Variants in UBASH3A observed in about 807,000 individuals in gnomAD.
The protein encoded by UBASH3A is ubiquitin associated and SH3 domain containing A.
Under a neutral mutation model 73.5 loss-of-function variants are expected in UBASH3A, and 63 were observed. The observed-to-expected ratio is 0.86, with a 90% CI of 0.70 to 1.06. The LOEUF (loss-of-function observed/expected upper bound fraction) is 1.06. UBASH3A is among the 50% of genes least tolerant of loss of function. The pLI is 0.00. For synonymous variants in UBASH3A, 363 were observed against 351.1 expected, an observed-to-expected ratio of 1.03 and a Z score of -0.38; for missense variants, 860 against 859.0, an observed-to-expected ratio of 1.00 and a Z score of -0.02.
chr21:42,429,388 A>T (rs918286267), intron 8 of UBASH3A, among the ~76,000 whole-genome samples: 1 of 152,224 alleles, frequency 6.6e-6, no homozygotes, highest in African/African-American at 2.4e-5. Context: ...CCCAGGGGTC[A>T]GTCCATTCCA....
At chr21:42,434,656 C>A (rs986563018) in intron 9 of UBASH3A, among the ~76,000 whole-genome samples, 176 bp from the exon 10 acceptor site, 1 of 152,194 alleles carries the variant, frequency 6.6e-6, no homozygotes, top group African/African-American at 2.4e-5. Context: ...CACAGCTGAG[C>A]AGCACTTTCT....
intron 11 of UBASH3A, among the ~76,000 whole-genome samples, chr21:42,439,699 A>G (rs2053695424): frequency 7.5e-6 from 1 of 133,896 alleles, no homozygotes; most frequent in Non-Finnish European, 1.6e-5. Context: ...CACTACACAC[A>G]CCCACACACA....
At position 42,416,542 on chromosome 21, in the gene UBASH3A, C is replaced by T. The variant is rs774534545; in HGVS notation, c.768C>T (p.Ile256=). Residue 256 remains isoleucine (I), a synonymous_variant, in exon 6 of 15, where the codon ATC becomes ATT. Transcript: ENST00000319294. ...QRTLEQLARA[I]PLGHSCQWTA... is the part of the protein sequence containing the mutation. ...CGCTGGAGCAGCTGGCCAGAGCCATCCCCCTGGGCCACAGCTGCCAGTGGA... is the reference window on the plus strand; with the variant it reads ...CGCTGGAGCAGCTGGCCAGAGCCATTCCCCTGGGCCACAGCTGCCAGTGGA... The T allele has an allele frequency of 1.2e-5, 20 of 1,610,422 alleles. No homozygotes were observed. Among genetic ancestry groups the T allele is most frequent in the Non-Finnish European group, 5.9e-6 (7 of 1,178,554 alleles).
At position 42,403,998 on chromosome 21, in the gene UBASH3A, G is replaced by A. The variant is rs1427423347; in HGVS notation, c.53G>A (p.Ser18Asn). The stretch of plus-strand genomic sequence containing the variant: ...GCCAAGGTCTCCAACAAGCTCAAGA[G>A]CCGCAGCAGCCCCTCGCTCCTGGAG... The part of the protein sequence containing the change: ...LYAKVSNKLK[S>N]RSSPSLLEPL... The change falls in exon 1 of 15, where the codon AGC becomes AAC. Residue 18 changes from serine (S) to asparagine (N), a missense_variant. By Grantham distance (46) the Ser-to-Asn change is conservative. Coordinates refer to ENST00000319294, the MANE Select transcript of UBASH3A (RefSeq NM_018961.4). 6.5e-7 allele frequency: 1 copy of A among 1,527,508 alleles called. No homozygotes were observed. The highest frequency in any genetic ancestry group is 2.6e-5 in the East Asian group (1 of 39,066). The allele number at this position is 1,527,508 out of a possible 1,614,324, so 94.6% of individuals were successfully genotyped here.
chr21:42,432,789 C>T (rs2146574599), intron 9 of UBASH3A, among the ~76,000 whole-genome samples: 1 of 152,282 alleles, frequency 6.6e-6, no homozygotes, highest in African/African-American at 2.4e-5. Flanking sequence ...TGGCAGATGA[C>T]AATCACACAC....
At chr21:42,439,914 C>T (rs2053705059) in intron 11 of UBASH3A, among the ~76,000 whole-genome samples, 1 of 143,088 alleles carries the variant, frequency 7.0e-6, no homozygotes, top group Admixed American at 7.0e-5. Context: ...CACCACACAC[C>T]TCACACACAC....
At chr21:42,424,476 G>C (rs1381621431) in intron 7 of UBASH3A, among the ~76,000 whole-genome samples, 1 of 152,200 alleles carries the variant, frequency 6.6e-6, no homozygotes, top group African/African-American at 2.4e-5. Context: ...AGAGACTGGT[G>C]ATGGAGGACC....
intron 13 of UBASH3A, 80 bp from the exon 14 acceptor site, chr21:42,444,454 C>T (rs2053811757): frequency 9.3e-7 from 1 of 1,073,224 alleles, no homozygotes; most frequent in African/African-American, 1.5e-5. Flanking sequence ...GCTCTGCCCC[C>T]CACCACTTTG....
Position 42,416,430 on chromosome 21 carries a change from C to G in UBASH3A, c.668-12C>G. 6.4e-7 allele frequency: 1 copy of G among 1,553,446 alleles called. No individual in the cohort carries two copies. Among genetic ancestry groups the G allele is most frequent in the East Asian group, 2.4e-5 (1 of 41,064 alleles). ...GTGTCCTGGCACCCTCTGTGTTTCC[C>G]TGATTTCACAGACTGCTCCGTGAAG... On this transcript the variant is annotated splice_polypyrimidine_tract_variant and intron_variant, in intron 5 of 14. Coordinates refer to ENST00000319294, the MANE Select transcript of UBASH3A (RefSeq NM_018961.4).
At chr21:42,417,419 C>CAAAAAA (rs71190423) in intron 6 of UBASH3A, 15 of 74,304 alleles carry the variant, frequency 2.0e-4, no homozygotes, top group African/African-American at 3.7e-4. Flanking sequence ...GCGAGACTGG[C>CAAAAAA]AAAAAAAAAA....
At chr21:42,436,678 G>A (rs570623635) in intron 10 of UBASH3A, among the ~76,000 whole-genome samples, 23 of 152,272 alleles carry the variant, frequency 1.5e-4, no homozygotes, top group African/African-American at 5.5e-4. Context: ...CAACCCAGAA[G>A]AGCCTCCACT....
chr21:42,445,409 C>T (rs1376220383), intron 14 of UBASH3A, among the ~76,000 whole-genome samples: 1 of 152,226 alleles, frequency 6.6e-6, no homozygotes, highest in Admixed American at 6.5e-5. Flanking sequence ...GAGGCCCTGA[C>T]CTGGTTTCTT....
intron 1 of UBASH3A, among the ~76,000 whole-genome samples, chr21:42,404,473 C>G (rs1012120044): frequency 1.3e-5 from 2 of 152,096 alleles, no homozygotes; most frequent in Admixed American, 6.5e-5. Flanking sequence ...ATATTCTTGA[C>G]CTTTTAAAGA....
chr21:42,441,055 ATGATGATGATGG>A lies in UBASH3A; in HGVS notation c.1487-1376_1487-1365del, dbSNP rs1024545658. Among the ~76,000 whole-genome samples, 49 of 152,274 alleles carry A rather than the reference ATGATGATGATGG, an allele frequency of 3.2e-4. No homozygotes were observed. The East Asian group carries it at 8.9e-3, about 28-fold the overall frequency. On this transcript the variant is annotated intron_variant, in intron 11 of 14. Transcript: ENST00000319294. ...ATCTCTCAGTGACCTTTAAGTGCAG[ATGATGATGATGG>A]TGATGATGATGGTGATGATGCCTGT...
chr21:42,415,626 G>A (rs1238650756), intron 5 of UBASH3A, among the ~76,000 whole-genome samples: 1 of 152,236 alleles, frequency 6.6e-6, no homozygotes, highest in Admixed American at 6.5e-5. Flanking sequence ...TTTAGGTTAG[G>A]AGGCTGATTT....
rs1159282238 is a variant in UBASH3A, at chr21:42,413,083, C to G, written c.414C>G (p.Leu138=). ...YEALKRAGDR[L]LGSFPTAVPL... ...CGCTGAAGAGAGCTGGAGACAGGCT[C>G]CTGGGCTCCTTCCCCACGGCCGTGC... The change falls in exon 4 of 15, where the codon CTC becomes CTG. Residue 138 remains leucine, a synonymous_variant. Transcript: ENST00000319294. The surrounding 1 kb of genome is among the most constrained non-coding windows in gnomAD (Gnocchi z 4.5). 3.1e-6 allele frequency: 5 copies of G among 1,614,226 alleles called. No homozygotes were observed. In the Admixed American group the frequency reaches 5.0e-5, roughly 16 times the overall value.
In UBASH3A at chr21:42,444,646, A is replaced by C. The variant is rs1285439039; in HGVS notation, c.1848+3A>C. The C allele has an allele frequency of 3.1e-6, 5 of 1,609,046 alleles. No individual in the cohort carries two copies. Among genetic ancestry groups the C allele is most frequent in the Non-Finnish European group, 4.3e-6 (5 of 1,175,458 alleles). ...ATTTTGCCCAACTCGTGAGAAAGGT[A>C]CGCGCCCACTCTTGGCTCTTTGGGC... On this transcript the variant is annotated splice_donor_region_variant and intron_variant, in intron 14 of 14. Transcript: ENST00000319294.
chr21:42,428,680 T>A (rs1194414992), intron 8 of UBASH3A, among the ~76,000 whole-genome samples: 2 of 151,812 alleles, frequency 1.3e-5, no homozygotes, highest in Non-Finnish European at 2.9e-5. Flanking sequence ...ACCCAATACC[T>A]GGGTACTGTG....
Position 42,418,447 on chromosome 21 carries a change from T to C in UBASH3A, c.884T>C (p.Leu295Pro). Residue 295 changes from leucine to proline, a missense_variant, in exon 7 of 15, where the codon CTG becomes CCG. Coordinates refer to ENST00000319294, the MANE Select transcript of UBASH3A (RefSeq NM_018961.4). ...FQYKPQNVDE[L>P]TLSPGDYIFV... ...TACAAACCCCAGAACGTGGATGAGC[T>C]GACGCTAAGTCCTGGTGACTACATC... 6 of 1,614,230 alleles carry C rather than the reference T, an allele frequency of 3.7e-6. No individual in the cohort carries two copies. Among genetic ancestry groups the C allele is most frequent in the Non-Finnish European group, 5.1e-6 (6 of 1,180,042 alleles).
Sources: gnomAD v4.1 joint callset for allele counts (sites outside exome capture counted in the v4.1 genomes callset) on GRCh38, gnomAD v4.1.1 for gene constraint, Gnocchi (gnomAD v3.1) non-coding constraint, MANE v1.5 for transcripts, NCBI Gene and HGNC (gene_info 2026-07-23, HGNC 2026-07-21) for gene names.